Variants in PSMA6 observed in about 807,000 individuals in gnomAD.
PSMA6 encodes proteasome 20S subunit alpha 6, also known as proteasome subunit alpha type-6.
For synonymous variants in PSMA6, 88 were observed against 97.7 expected, an observed-to-expected ratio of 0.90 and a Z score of 0.59; for missense variants, 170 against 294.8, an observed-to-expected ratio of 0.58 and a Z score of 3.10.
At chr14:35,307,923 A>G (rs915489868) in intron 1 of PSMA6, 71 bp from the exon 2 acceptor site, 3 of 1,415,076 alleles carry the variant, frequency 2.1e-6, no homozygotes, top group African/African-American at 2.9e-5. Flanking sequence ...ATTCTTTTTA[A>G]TGACTATTAT....
chr14:35,306,382 C>G (rs79049475), intron 1 of PSMA6, among the ~76,000 whole-genome samples: 1 of 151,970 alleles, frequency 6.6e-6, no homozygotes, highest in Non-Finnish European at 1.5e-5. Context: ...GATAGTGAGA[C>G]GTCATCTCTA....
At chr14:35,284,502 A>G (rs2051400673) in intron 1 of PSMA6, among the ~76,000 whole-genome samples, 1 of 152,034 alleles carries the variant, frequency 6.6e-6, no homozygotes, top group Admixed American at 6.5e-5. Flanking sequence ...TTTCATCTCC[A>G]TGGAACTCTG....
chr14:35,310,953 T>C (rs185938066), intron 4 of PSMA6, 58 bp downstream of exon 4: 1 of 1,514,852 alleles, frequency 6.6e-7, no homozygotes, highest in East Asian at 2.3e-5. Flanking sequence ...TTACAGAACA[T>C]GTATACAGAA....
At chr14:35,294,460 A>G (rs1263191183) in intron 1 of PSMA6, among the ~76,000 whole-genome samples, 1 of 152,256 alleles carries the variant, frequency 6.6e-6, no homozygotes, top group Non-Finnish European at 1.5e-5. Flanking sequence ...TGAAGAGTTC[A>G]GGCCCTGGAG....
rs899579181 is a variant in PSMA6 at position 35,278,800 on chromosome 14, C to T, written c.19+82C>T. Reference sequence around the variant, plus strand: ...AAATAAATCATTCTTATATTTTATTCCTCTTTACAATGACCTTGCTCTAGA... The same window carrying T: ...AAATAAATCATTCTTATATTTTATTTCTCTTTACAATGACCTTGCTCTAGA... On this transcript the variant is annotated intron_variant, in intron 1 of 6. Transcript: ENST00000540871. 17 of 1,468,382 alleles carry T rather than the reference C, an allele frequency of 1.2e-5. No homozygotes were observed. The Admixed American group carries it at 2.8e-4, about 24-fold the overall frequency. The allele number at this position is 1,468,382 out of a possible 1,614,324, so 91.0% of individuals were successfully genotyped here.
In PSMA6 at chr14:35,312,868, T is replaced by C; in HGVS notation, c.410-13T>C. 3.2e-6 allele frequency: 5 copies of C among 1,563,440 alleles called. No homozygotes were observed. The highest frequency in any genetic ancestry group is 4.3e-6 in the Non-Finnish European group (5 of 1,163,112). On this transcript the variant is annotated splice_polypyrimidine_tract_variant and intron_variant, in intron 4 of 6. Coordinates refer to ENST00000261479, the MANE Select transcript of PSMA6 (RefSeq NM_002791.3). ...AAGCTAAAACATTTAATTAGGGTCT[T>C]TTCTCTTTTTAGGTATGATTTTAAT... is the stretch of plus-strand genomic sequence containing the variant.
At chr14:35,279,720 C>T (rs2051344604) in intron 1 of PSMA6, among the ~76,000 whole-genome samples, 1 of 152,176 alleles carries the variant, frequency 6.6e-6, no homozygotes, top group Non-Finnish European at 1.5e-5. Context: ...AGATAAAGAG[C>T]TTTTTACTGC....
Position 35,299,846 on chromosome 14 carries a change from T to A in PSMA6, c.76+7294T>A, listed in dbSNP as rs972303838. Among the ~76,000 whole-genome samples, 4 of 152,250 alleles carry A rather than the reference T, an allele frequency of 2.6e-5. No individual in the cohort carries two copies. In the East Asian group the frequency reaches 5.8e-4, roughly 22 times the overall value. ...TCATTTATACAAGCCTTTACTGAAA[T>A]TACAGTGCAGCTTGATGAGTACTAA... is the stretch of plus-strand genomic sequence containing the variant. On this transcript the variant is annotated intron_variant, in intron 1 of 6. Coordinates refer to ENST00000261479, the MANE Select transcript of PSMA6 (RefSeq NM_002791.3).
intron 1 of PSMA6, among the ~76,000 whole-genome samples, chr14:35,298,038 A>G (rs974403566): frequency 3.3e-5 from 5 of 152,226 alleles, no homozygotes; most frequent in African/African-American, 1.2e-4. Flanking sequence ...GTTGGGTTCA[A>G]CCATGAAACT....
intron 5 of PSMA6, 71 bp downstream of exon 5, chr14:35,313,130 TACAA>T (rs2138756397): frequency 7.5e-7 from 1 of 1,334,626 alleles, no homozygotes; most frequent in Admixed American, 2.8e-5. Flanking sequence ...ATAATTTCTA[TACAA>T]AGCTATTCCT....
intron 1 of PSMA6, among the ~76,000 whole-genome samples, chr14:35,303,829 C>A (rs1379010965): frequency 2.0e-5 from 3 of 151,770 alleles, no homozygotes; most frequent in Admixed American, 6.6e-5. Flanking sequence ...TGTCATTATT[C>A]GCTAAACAAT....
chr14:35,304,266 C>T (rs1366638503), intron 1 of PSMA6, among the ~76,000 whole-genome samples: 1 of 152,142 alleles, frequency 6.6e-6, no homozygotes, highest in African/African-American at 2.4e-5. Flanking sequence ...AGCCACCACG[C>T]CTGGCCAAGC....
At chr14:35,314,487 G>A (rs780441304) in intron 6 of PSMA6, 32 bp downstream of exon 6, 1 of 1,596,310 alleles carries the variant, frequency 6.3e-7, no homozygotes, top group Admixed American at 1.7e-5. Flanking sequence ...ATGCAGACTA[G>A]AAAGGTGGAG....
rs370118466 is a variant in PSMA6 at position 35,308,061 on chromosome 14, A to G, written c.144A>G (p.Ala48=). The G allele has an allele frequency of 1.8e-5, 29 of 1,614,016 alleles. No individual in the cohort carries two copies. The highest frequency in any genetic ancestry group is 2.2e-5 in the Non-Finnish European group (26 of 1,179,902). Residue 48 remains alanine, a synonymous_variant, in exon 2 of 7, where the codon GCA becomes GCG. Transcript: ENST00000261479. The part of the protein sequence containing the change: ...TSVAVRGKDC[A]VIVTQKKVPD... The stretch of plus-strand genomic sequence containing the variant: ...TAGCTGTCAGAGGGAAAGACTGTGC[A>G]GTAATTGTCACACAGAAGAAAGTAC...
In PSMA6 at chr14:35,314,378, G is replaced by A; in HGVS notation, c.606G>A (p.Leu202=). ...TTTTTCAGACTGCAATTACATGCCT[G>A]TCTACTGTTCTATCAATTGATTTCA... ...EQTVETAITC[L]STVLSIDFKP... The change falls in exon 6 of 7, where the codon CTG becomes CTA. Residue 202 remains leucine (L), a synonymous_variant. Transcript: ENST00000261479. The A allele has an allele frequency of 6.2e-7, 1 of 1,609,330 alleles. No homozygotes were observed. The highest frequency in any genetic ancestry group is 8.5e-7 in the Non-Finnish European group (1 of 1,177,274).
intron 4 of PSMA6, among the ~76,000 whole-genome samples, chr14:35,311,341 A>G (rs1036455127): frequency 2.0e-5 from 3 of 152,176 alleles, no homozygotes; most frequent in Admixed American, 1.3e-4. Context: ...AACAAGTAAA[A>G]TTGTATTGGG....
chr14:35,281,345 C>T (rs1594371319), intron 1 of PSMA6, among the ~76,000 whole-genome samples: 1 of 152,254 alleles, frequency 6.6e-6, no homozygotes, highest in African/African-American at 2.4e-5. Flanking sequence ...GCAGTCTTAA[C>T]TCTGCAAAGG....
chr14:35,289,757 A>G (rs2051457288), upstream of PSMA6, among the ~76,000 whole-genome samples: 1 of 152,052 alleles, frequency 6.6e-6, no homozygotes, highest in Admixed American at 6.6e-5. Flanking sequence ...TAGTCTCTAA[A>G]AAAAATTTTT....
At position 35,309,002 on chromosome 14, in the gene PSMA6, AATCTGTAGATATACAAGAC is replaced by A; in HGVS notation, c.253+25_253+43del. 5 of 1,567,258 alleles carry A rather than the reference AATCTGTAGATATACAAGAC, an allele frequency of 3.2e-6. No individual in the cohort carries two copies. The highest frequency in any genetic ancestry group is 1.7e-4 in the Middle Eastern group (1 of 5,964). ...GTGATGACCGGAATGACAGGTAATT[AATCTGTAGATATACAAGAC>A]ATCTGTAGATATACAAGCCTTTTGT... On this transcript the variant is annotated splice_region_variant and intron_variant, in intron 3 of 6. Coordinates refer to ENST00000261479, the MANE Select transcript of PSMA6 (RefSeq NM_002791.3).
Sources: gnomAD v4.1 joint callset for allele counts (sites outside exome capture counted in the v4.1 genomes callset) on GRCh38, gnomAD v4.1.1 for gene constraint, MANE v1.5 for transcripts, NCBI Gene and HGNC (gene_info 2026-07-23, HGNC 2026-07-21) for gene names.